The following PCDHA10 variants were observed in gnomAD, a reference collection of about 807,000 sequenced individuals.
PCDHA10 encodes the protein protocadherin alpha 10, also known as protocadherin alpha-10.
PCDHA10 carries 45 observed loss-of-function variants against 61.2 expected under a neutral mutation model. The ratio of observed to expected loss-of-function variants is 0.74; its 90% CI spans 0.58 to 0.94. PCDHA10 has a LOEUF of 0.94. Ranked by LOEUF, PCDHA10 falls within the 40% of genes least tolerant of loss-of-function variation. The probability of loss-of-function intolerance (pLI) is 0.00; values close to 1 mark genes in which losing one functional copy is unlikely to be tolerated. For synonymous variants in PCDHA10, 602 were observed against 548.8 expected (o/e 1.10, Z -1.35); for missense variants, 1,278 against 1,236.2 (o/e 1.03, Z -0.51).
chr5:140,914,020 C>T (rs2076562854), intron 1 of PCDHA10, among the ~76,000 whole-genome samples: 1 of 152,036 alleles, frequency 6.6e-6, no homozygotes, highest in African/African-American at 2.4e-5. Context: ...GAGAATGATC[C>T]ACGTGCTGAG....
At chr5:140,859,226 A>G (rs190980812) in intron 1 of PCDHA10, 1 of 149,940 alleles carries the variant, frequency 6.7e-6, no homozygotes, top group East Asian at 1.9e-4. Flanking sequence ...ACTTTAAGGA[A>G]GGAGTCATGC....
chr5:140,878,079 T>C (rs1453461494), intron 1 of PCDHA10: 1 of 346,026 alleles, frequency 2.9e-6, no homozygotes, highest in Non-Finnish European at 4.9e-6. Context: ...TTTTCTATAA[T>C]ATTTTATATG....
At position 140,857,927 on chromosome 5, in the gene PCDHA10, A is replaced by C. The variant is rs1554150876; in HGVS notation, c.1879A>C (p.Thr627Pro). ...ARIPFRVGLY[T>P]GEISTTRALD... ...CATCCCGTTTCGCGTGGGGCTGTAC[A>C]CGGGCGAGATCAGTACGACGCGCGC... Residue 627 changes from threonine to proline, a missense_variant, in exon 1 of 4, where the codon ACG becomes CCG. Transcript: ENST00000307360. The C allele has an allele frequency of 1.9e-6, 3 of 1,597,510 alleles. 1 individual carries two copies. Among genetic ancestry groups the C allele is most frequent in the Non-Finnish European group, 2.6e-6 (3 of 1,167,484 alleles).
At chr5:140,933,613 A>G (rs1441475985) in intron 1 of PCDHA10, among the ~76,000 whole-genome samples, 1 of 151,962 alleles carries the variant, frequency 6.6e-6, no homozygotes, top group Non-Finnish European at 1.5e-5. Flanking sequence ...TTCTTTTCTT[A>G]TTAGGTTAGG....
intron 1 of PCDHA10, chr5:140,871,261 C>T (rs1554165342): frequency 3.1e-6 from 5 of 1,613,864 alleles, no homozygotes; most frequent in Admixed American, 3.3e-5. Context: ...GTATACGGCG[C>T]TGTGGTGGTC....
intron 1 of PCDHA10, chr5:140,864,371 G>A (rs1005201982): frequency 6.6e-5 from 10 of 152,044 alleles, no homozygotes; most frequent in South Asian, 6.2e-4. Context: ...TTCTATAATC[G>A]ATAAGTTTAT....
intron 1 of PCDHA10, among the ~76,000 whole-genome samples, chr5:140,924,127 A>G (rs2081688492): frequency 6.6e-6 from 1 of 152,252 alleles, no homozygotes; most frequent in African/African-American, 2.4e-5. Flanking sequence ...CTTGCTTAGC[A>G]GCATTAATTT....
intron 3 of PCDHA10, among the ~76,000 whole-genome samples, chr5:140,999,039 T>C (rs1554256567): frequency 6.6e-6 from 1 of 152,214 alleles, no homozygotes; most frequent in Admixed American, 6.5e-5. Flanking sequence ...CTTCGTCCAG[T>C]GTGCTTTCCA....
At chr5:140,884,173 C>T in intron 1 of PCDHA10, 1 of 1,613,432 alleles carries the variant, frequency 6.2e-7, no homozygotes, top group Non-Finnish European at 8.5e-7. Context: ...GCACGACGCG[C>T]CCTCTGGACG....
chr5:140,901,177 G>T (rs2068485979), intron 1 of PCDHA10, among the ~76,000 whole-genome samples: 1 of 152,034 alleles, frequency 6.6e-6, no homozygotes, highest in African/African-American at 2.4e-5. Flanking sequence ...TCACTTTGTT[G>T]ATTGTTTGCT....
At chr5:140,923,423 G>A (rs533295733) in intron 1 of PCDHA10, among the ~76,000 whole-genome samples, 1 of 152,142 alleles carries the variant, frequency 6.6e-6, no homozygotes. Context: ...GGCTACTTGG[G>A]AGGCTGGGGT....
intron 1 of PCDHA10, among the ~76,000 whole-genome samples, chr5:140,895,004 T>C (rs535461448): frequency 6.6e-6 from 1 of 152,316 alleles, no homozygotes; most frequent in East Asian, 1.9e-4. Flanking sequence ...CCCTTTTTAC[T>C]TGGACCTTTT....
chr5:141,005,000 G>A (rs2098192261), intron 3 of PCDHA10, among the ~76,000 whole-genome samples: 1 of 152,176 alleles, frequency 6.6e-6, no homozygotes, highest in Non-Finnish European at 1.5e-5. Context: ...GGTCTCCTAA[G>A]CCCTGAGAGC....
rs143002904 is a variant in PCDHA10, at chr5:140,856,290, G to T, written c.242G>T (p.Gly81Val). 5.0e-6 allele frequency: 8 copies of T among 1,598,368 alleles called. 2 individuals are homozygous for T. The African/African-American group carries it at 8.1e-5, about 16-fold the overall frequency. ...CTTCTGGAGGTAAATCTGCAGAATGGCATTTTGTTTGTGAATTCTCGGATT... is the reference window on the plus strand; with the variant it reads ...CTTCTGGAGGTAAATCTGCAGAATGTCATTTTGTTTGTGAATTCTCGGATT... Reference protein sequence around the residue: ...GDLLEVNLQNGILFVNSRIDR... With the variant: ...GDLLEVNLQNVILFVNSRIDR... The change falls in exon 1 of 4, where the codon GGC becomes GTC. Residue 81 changes from glycine to valine, a missense_variant. Coordinates refer to ENST00000307360, the MANE Select transcript of PCDHA10 (RefSeq NM_018901.4).
In PCDHA10 at chr5:140,884,106, T is replaced by C; in HGVS notation, c.2388+25670T>C. 1 of 1,613,420 alleles carries C rather than the reference T, an allele frequency of 6.2e-7. No individual in the cohort carries two copies. The highest frequency in any genetic ancestry group is 8.5e-7 in the Non-Finnish European group (1 of 1,179,712). On this transcript the variant is annotated intron_variant, in intron 1 of 3. Transcript: ENST00000307360. ...GCGTGGCTTTCGTATGAATTGCAGC[T>C]GGCGGCGGTCGGCGCGCGCATCCCG...
intron 1 of PCDHA10, among the ~76,000 whole-genome samples, chr5:140,873,132 A>G (rs2054118651): frequency 6.6e-6 from 1 of 152,212 alleles, no homozygotes; most frequent in Non-Finnish European, 1.5e-5. Flanking sequence ...CAAAGAGTCT[A>G]TGCTGAAGCC....
intron 1 of PCDHA10, chr5:140,877,503 G>A (rs1056644080): frequency 3.6e-5 from 58 of 1,613,716 alleles, no homozygotes; most frequent in Non-Finnish European, 4.8e-5. Context: ...AGGCCCCAAA[G>A]ACGTCGTCGC....
intron 1 of PCDHA10, among the ~76,000 whole-genome samples, chr5:140,939,679 T>A (rs2092435989): frequency 6.6e-6 from 1 of 152,196 alleles, no homozygotes; most frequent in South Asian, 2.1e-4. Context: ...TGTATGTATG[T>A]GTGTGTTGCT....
At position 140,971,319 on chromosome 5, in the gene PCDHA10, A is replaced by C. The variant is rs568701560; in HGVS notation, c.2389-7630A>C. ...TGGTACACAAACATTTAATCTAGGG[A>C]GAAAATTATTTCAGAAAGTGCTTGC... is the stretch of plus-strand genomic sequence containing the variant. On this transcript the variant is annotated intron_variant, in intron 1 of 3. Transcript: ENST00000307360. Among the ~76,000 whole-genome samples the C allele has an allele frequency of 2.1e-4, 32 of 152,346 alleles. 1 individual carries two copies. Among genetic ancestry groups the C allele is most frequent in the Admixed American group, 2.0e-3 (31 of 15,306 alleles).
Sources: gnomAD v4.1 joint callset for allele counts (sites outside exome capture counted in the v4.1 genomes callset) on GRCh38, gnomAD v4.1.1 for gene constraint, MANE v1.5 for transcripts, NCBI Gene and HGNC (gene_info 2026-07-23, HGNC 2026-07-21) for gene names.